GREB1L: variants seen among roughly 807,000 people sequenced by gnomAD.
GREB1L encodes the protein GREB1-like protein.
GREB1L carries 17 observed loss-of-function variants against 200.8 expected under a neutral mutation model. The ratio of observed to expected loss-of-function variants is 0.08; its 90% confidence interval spans 0.06 to 0.13. The LOEUF (loss-of-function observed/expected upper bound fraction) is 0.13. Ranked by LOEUF, GREB1L falls within the 10% of genes least tolerant of loss-of-function variation. The probability of loss-of-function intolerance (pLI) is 1.00; values close to 1 mark genes in which losing one functional copy is unlikely to be tolerated. For synonymous variants in GREB1L, 789 were observed against 893.0 expected (o/e 0.88, Z 2.08); for missense variants, 1,657 against 2,367.7 (o/e 0.70, Z 6.23).
At chr18:21,322,017 T>C (rs1405690237) in intron 1 of GREB1L, among the ~76,000 whole-genome samples, 1 of 152,084 alleles carries the variant, frequency 6.6e-6, no homozygotes, top group East Asian at 1.9e-4. Flanking sequence ...CTATTGACAA[T>C]AAAGTTCAAA....
chr18:21,387,093 T>C (rs2040574533), intron 4 of GREB1L, among the ~76,000 whole-genome samples: 1 of 152,228 alleles, frequency 6.6e-6, no homozygotes, highest in South Asian at 2.1e-4. Context: ...TAATTTCTTA[T>C]GTAAATTATC....
At chr18:21,270,701 CTTTAGT>C (rs1465338025) in intron 1 of GREB1L, among the ~76,000 whole-genome samples, 1 of 152,188 alleles carries the variant, frequency 6.6e-6, no homozygotes, top group Admixed American at 6.5e-5. Flanking sequence ...CTTAATTATT[CTTTAGT>C]TTACTCATCA....
At chr18:21,486,304 A>C (rs2036126235) in intron 18 of GREB1L, among the ~76,000 whole-genome samples, 1 of 151,540 alleles carries the variant, frequency 6.6e-6, no homozygotes, top group Non-Finnish European at 1.5e-5. Context: ...CAGTGAGCCG[A>C]GACCACGCCA....
At chr18:21,495,434 G>T (rs1222697739) in intron 19 of GREB1L, among the ~76,000 whole-genome samples, 1 of 152,138 alleles carries the variant, frequency 6.6e-6, no homozygotes, top group South Asian at 2.1e-4. Flanking sequence ...TAATGTCTGA[G>T]GTATACCAGC....
intron 7 of GREB1L, among the ~76,000 whole-genome samples, chr18:21,417,980 C>CAA (rs370649676): frequency 2.5e-5 from 2 of 80,252 alleles, no homozygotes; most frequent in Admixed American, 1.4e-4. Flanking sequence ...GACTCCATCT[C>CAA]AAAAAAAAAA....
intron 1 of GREB1L, among the ~76,000 whole-genome samples, chr18:21,363,179 A>G (rs1190174415): frequency 1.3e-5 from 2 of 151,838 alleles, no homozygotes; most frequent in Non-Finnish European, 2.9e-5. Context: ...GCTGTATGGT[A>G]GACTTAGATT....
At chr18:21,348,135 CG>C (rs2039379465) in intron 1 of GREB1L, among the ~76,000 whole-genome samples, 1 of 151,574 alleles carries the variant, frequency 6.6e-6, no homozygotes, top group African/African-American at 2.4e-5. Context: ...TTATTAGAGA[CG>C]GGGTTTCACC....
At chr18:21,428,973 C>T (rs994146077) in intron 7 of GREB1L, among the ~76,000 whole-genome samples, 4 of 152,058 alleles carry the variant, frequency 2.6e-5, no homozygotes, top group Non-Finnish European at 5.9e-5. Context: ...CAGCCTTGGC[C>T]TCCCAAAGTG....
chr18:21,499,443 C>A (rs1001863586), intron 21 of GREB1L, among the ~76,000 whole-genome samples: 1 of 152,112 alleles, frequency 6.6e-6, no homozygotes, highest in Non-Finnish European at 1.5e-5. Flanking sequence ...AGCCGCAGCC[C>A]ACAGTAGAGA....
In GREB1L at chr18:21,404,012, T is replaced by A. The variant is rs768553504; in HGVS notation, c.832+18T>A. ...TCAGACAGGTATGGGATATTTTCTT[T>A]TGGCATTTCAAGCATCACATGTATA... On this transcript the variant is annotated intron_variant, in intron 7 of 32. Transcript: ENST00000424526. 70 of 1,548,242 alleles carry A rather than the reference T, an allele frequency of 4.5e-5. No individual in the cohort carries two copies. The highest frequency in any genetic ancestry group is 6.0e-5 in the Non-Finnish European group (69 of 1,144,198).
chr18:21,274,441 C>T (rs2038129166), intron 1 of GREB1L, among the ~76,000 whole-genome samples: 1 of 152,058 alleles, frequency 6.6e-6, no homozygotes, highest in Admixed American at 6.6e-5. Context: ...GACTGGGTCT[C>T]ACTCTGTTGC....
chr18:21,373,154 A>C (rs766548023), intron 2 of GREB1L, among the ~76,000 whole-genome samples: 3 of 152,056 alleles, frequency 2.0e-5, no homozygotes, highest in Non-Finnish European at 4.4e-5. Context: ...GCATCATCTC[A>C]CTGCCTCACT....
intron 1 of GREB1L, among the ~76,000 whole-genome samples, chr18:21,328,184 C>T (rs939627507): frequency 1.6e-4 from 24 of 152,162 alleles, no homozygotes; most frequent in Non-Finnish European, 2.4e-4. Context: ...ATTGCCCCCC[C>T]CCGTTCCCCA....
chr18:21,309,155 C>T (rs2038750972), intron 1 of GREB1L, among the ~76,000 whole-genome samples: 1 of 152,202 alleles, frequency 6.6e-6, no homozygotes, highest in Non-Finnish European at 1.5e-5. Context: ...GGGACATTGT[C>T]TTTAAAAAGT....
intron 5 of GREB1L, among the ~76,000 whole-genome samples, chr18:21,396,089 G>A (rs1196869583): frequency 6.7e-6 from 1 of 149,378 alleles, no homozygotes; most frequent in Non-Finnish European, 1.5e-5. Context: ...TTGTCACCCA[G>A]GCTGGAGTGC....
chr18:21,413,239 T>C (rs912787966), intron 7 of GREB1L, among the ~76,000 whole-genome samples: 9 of 152,188 alleles, frequency 5.9e-5, no homozygotes, highest in African/African-American at 2.2e-4. Flanking sequence ...TCACATAGCC[T>C]ATCACTTTGT....
intron 15 of GREB1L, among the ~76,000 whole-genome samples, chr18:21,461,704 A>G (rs1384872142): frequency 6.6e-6 from 1 of 152,094 alleles, no homozygotes; most frequent in East Asian, 1.9e-4. Context: ...GGCACTCAAC[A>G]CACTGTGTGT....
At chr18:21,515,357 C>G (rs1037590780) in intron 28 of GREB1L, 60 bp from the exon 29 acceptor site, 103 of 1,205,214 alleles carry the variant, frequency 8.5e-5, no homozygotes, top group Non-Finnish European at 1.3e-5. Context: ...GTAGACACTT[C>G]ACAAATGATC....
At chr18:21,387,020 A>G (rs1477693936) in intron 4 of GREB1L, among the ~76,000 whole-genome samples, 1 of 152,196 alleles carries the variant, frequency 6.6e-6, no homozygotes, top group Non-Finnish European at 1.5e-5. Context: ...CAATTTAGAT[A>G]AGCAAATACT....
Sources: allele counts gnomAD v4.1 joint callset (sites outside exome capture counted in the v4.1 genomes callset), GRCh38; gene constraint gnomAD v4.1.1; transcripts MANE v1.5; gene names NCBI Gene and HGNC (gene_info 2026-07-23, HGNC 2026-07-21).